The following NT5DC3 variants were observed in gnomAD, a reference collection of about 807,000 sequenced individuals.
The protein encoded by NT5DC3 is 5'-nucleotidase domain containing 3.
NT5DC3 carries 42 observed loss-of-function variants against 67.8 expected under a neutral mutation model. The ratio of observed to expected loss-of-function variants is 0.62; its 90% CI spans 0.48 to 0.80. The LOEUF (loss-of-function observed/expected upper bound fraction) is 0.80, where lower values mean the gene tolerates loss of function less well. Ranked by LOEUF, NT5DC3 falls within the 30% of genes least tolerant of loss-of-function variation. The pLI, the probability that NT5DC3 is intolerant of heterozygous loss-of-function variation, is 0.00. For synonymous variants in NT5DC3, 237 were observed against 255.6 expected (o/e 0.93, Z 0.69); for missense variants, 570 against 696.4 (o/e 0.82, Z 2.04).
At chr12:103,827,388 A>G (rs964168223) in intron 1 of NT5DC3, among the ~76,000 whole-genome samples, 5 of 152,240 alleles carry the variant, frequency 3.3e-5, no homozygotes, top group Non-Finnish European at 4.4e-5. Flanking sequence ...TCTACTTGAG[A>G]CTAATCTATA....
the NT5DC3 span, among the ~76,000 whole-genome samples, chr12:103,748,116 A>ATATATACT: frequency 6.6e-5 from 10 of 152,166 alleles, no homozygotes; most frequent in African/African-American, 2.4e-4. Flanking sequence ...ATTCACAGAG[A>ATATATACT]TATATACTTT....
chr12:103,755,683 C>T, the NT5DC3 span: 4 of 1,614,176 alleles, frequency 2.5e-6, no homozygotes, highest in Non-Finnish European at 3.4e-6. Context: ...GCTGCAGGTC[C>T]TGATGTCCTT....
intron 12 of NT5DC3, among the ~76,000 whole-genome samples, chr12:103,783,559 C>T (rs770480803): frequency 6.6e-6 from 1 of 152,118 alleles, no homozygotes; most frequent in Admixed American, 6.5e-5. Context: ...TTCTGCCAAC[C>T]GAGAACTGTG....
chr12:103,758,134 G>A, the NT5DC3 span: 5 of 1,613,288 alleles, frequency 3.1e-6, 1 homozygote, highest in South Asian at 3.3e-5. Flanking sequence ...TGCACACCAG[G>A]GCTGGCCCCT....
At chr12:103,778,585 G>C (rs1248089024) in intron 13 of NT5DC3, among the ~76,000 whole-genome samples, 10 of 151,768 alleles carry the variant, frequency 6.6e-5, no homozygotes, top group South Asian at 4.2e-4. Context: ...CATGGCAGGT[G>C]GATCACTTGC....
At chr12:103,787,035 C>G (rs551558113) in intron 11 of NT5DC3, among the ~76,000 whole-genome samples, 25 of 152,116 alleles carry the variant, frequency 1.6e-4, no homozygotes, top group Non-Finnish European at 4.4e-5. Context: ...CCTAATAATA[C>G]ATGAAAACCT....
At chr12:103,814,127 G>A (rs991123892) in intron 2 of NT5DC3, among the ~76,000 whole-genome samples, 5 of 152,158 alleles carry the variant, frequency 3.3e-5, no homozygotes, top group Admixed American at 6.5e-5. Context: ...GGTTCTCCAC[G>A]GGCAATGCCT....
downstream of NT5DC3, among the ~76,000 whole-genome samples, chr12:103,767,200 A>AAAT (rs1885020239): frequency 1.3e-5 from 2 of 152,262 alleles, no homozygotes; most frequent in South Asian, 4.1e-4. Flanking sequence ...ATCAGCTGAA[A>AAAT]AATAAATGAA....
intron 13 of NT5DC3, among the ~76,000 whole-genome samples, chr12:103,779,488 GGGA>G (rs1885459696): frequency 6.6e-6 from 1 of 152,192 alleles, no homozygotes; most frequent in East Asian, 1.9e-4. Flanking sequence ...CACTCTGAGA[GGGA>G]GGAGGACAAA....
chr12:103,819,922 T>TA (rs1887422929), intron 1 of NT5DC3, among the ~76,000 whole-genome samples: 2 of 152,154 alleles, frequency 1.3e-5, no homozygotes, highest in South Asian at 2.1e-4. Flanking sequence ...CTGTACCCAT[T>TA]AAAAAACTCC....
the NT5DC3 span, among the ~76,000 whole-genome samples, chr12:103,756,019 CTG>C: frequency 6.6e-6 from 1 of 152,152 alleles, no homozygotes; most frequent in African/African-American, 2.4e-5. Context: ...GACCTGTGGT[CTG>C]TACATGGAAA....
chr12:103,772,228 G>GAA (rs1286825602), downstream of NT5DC3: 4 of 152,074 alleles, frequency 2.6e-5, no homozygotes, highest in African/African-American at 9.7e-5. Flanking sequence ...TGCCTTTTTA[G>GAA]AAAACGATAC....
At chr12:103,749,841 CAAAAAAAAA>C in the NT5DC3 span, among the ~76,000 whole-genome samples, 3 of 51,152 alleles carry the variant, frequency 5.9e-5, no homozygotes, top group African/African-American at 7.1e-5. Context: ...CTCTGTCTCA[CAAAAAAAAA>C]AAAAAAAAAA....
the NT5DC3 span, among the ~76,000 whole-genome samples, chr12:103,757,381 C>T: frequency 6.6e-6 from 1 of 152,206 alleles, no homozygotes; most frequent in Non-Finnish European, 1.5e-5. Context: ...AGCCACCACA[C>T]CCAGCCTGAT....
intron 9 of NT5DC3, among the ~76,000 whole-genome samples, chr12:103,792,521 A>G (rs1886111453): frequency 6.6e-6 from 1 of 152,204 alleles, no homozygotes; most frequent in South Asian, 2.1e-4. Flanking sequence ...CACTGTGGGA[A>G]TTTGTGGAGA....
intron 10 of NT5DC3, among the ~76,000 whole-genome samples, chr12:103,788,598 T>C (rs574991510): frequency 3.9e-5 from 6 of 152,356 alleles, no homozygotes; most frequent in South Asian, 4.1e-4. Flanking sequence ...TTACACACTA[T>C]GAAAGTCATG....
chr12:103,761,266 G>C, the NT5DC3 span: 1 of 1,599,662 alleles, frequency 6.3e-7, no homozygotes, highest in Non-Finnish European at 8.6e-7. Flanking sequence ...CACTCGGAGA[G>C]TAAAAGCCAT....
At position 103,773,227 on chromosome 12, in the gene NT5DC3, C is replaced by T. The variant is rs1885233479; in HGVS notation, c.*4602G>A. 1 of 152,196 alleles carries T rather than the reference C, an allele frequency of 6.6e-6. No individual in the cohort carries two copies. The highest frequency in any genetic ancestry group is 6.5e-5 in the Admixed American group (1 of 15,288). 9.4% of individuals were successfully genotyped at this position (152,196 alleles called of 1,614,324 possible). On this transcript the variant is annotated 3_prime_UTR_variant, in exon 14 of 14. Coordinates refer to ENST00000392876, the MANE Select transcript of NT5DC3 (RefSeq NM_001031701.3). ...CACAGCCTGAGGACCAAATACAGCCCACAGCTTGTCTTGGTAAATCAAGTT... is the reference window on the plus strand; with the variant it reads ...CACAGCCTGAGGACCAAATACAGCCTACAGCTTGTCTTGGTAAATCAAGTT...
chr12:103,814,794 T>G, intron 2 of NT5DC3, 143 bp downstream of exon 2: 1 of 588,196 alleles, frequency 1.7e-6, no homozygotes, highest in Non-Finnish European at 2.8e-6. Context: ...TAAGAGTTAC[T>G]TGGAAGGGAA....
Sources: gnomAD v4.1 joint callset for allele counts (sites outside exome capture counted in the v4.1 genomes callset) on GRCh38, gnomAD v4.1.1 for gene constraint, MANE v1.5 for transcripts, NCBI Gene and HGNC (gene_info 2026-07-23, HGNC 2026-07-21) for gene names.